Variants in ICE1 observed in about 807,000 individuals in gnomAD.
The protein encoded by ICE1 is little elongation complex subunit 1.
ICE1 carries 64 observed loss-of-function variants against 192.7 expected under a neutral mutation model. The ratio of observed to expected loss-of-function variants is 0.33; its 90% CI spans 0.27 to 0.41. The LOEUF (loss-of-function observed/expected upper bound fraction) is 0.41, where lower values mean the gene tolerates loss of function less well. Ranked by LOEUF, ICE1 falls within the 10% of genes least tolerant of loss-of-function variation. ICE1 has a pLI of 1.00. For synonymous variants in ICE1, 1,010 were observed against 984.5 expected, an observed-to-expected ratio of 1.03 and a Z score of -0.49; for missense variants, 2,708 against 2,696.0, an observed-to-expected ratio of 1.00 and a Z score of -0.10.
chr5:5,426,272 C>T (rs985256983), intron 1 of ICE1, among the ~76,000 whole-genome samples: 5 of 152,098 alleles, frequency 3.3e-5, no homozygotes, highest in Admixed American at 1.3e-4. Context: ...TGGTGAAACC[C>T]CGTCTCTACG....
intron 1 of ICE1, among the ~76,000 whole-genome samples, chr5:5,426,033 G>T (rs1053255153): frequency 1.2e-4 from 19 of 152,242 alleles, no homozygotes; most frequent in Admixed American, 1.1e-3. Flanking sequence ...AATGACATCA[G>T]AACTAGGAGT....
chr5:5,430,600 A>G (rs1260785243), intron 1 of ICE1, among the ~76,000 whole-genome samples: 1 of 152,168 alleles, frequency 6.6e-6, no homozygotes, highest in Non-Finnish European at 1.5e-5. Context: ...ACCATTTTTA[A>G]TTGCTTCCAC....
intron 5 of ICE1, among the ~76,000 whole-genome samples, chr5:5,441,959 A>G (rs1305063059): frequency 6.6e-6 from 1 of 152,130 alleles, no homozygotes; most frequent in Non-Finnish European, 1.5e-5. Flanking sequence ...CTTTTAGGGC[A>G]TGTTCGATCT....
intron 16 of ICE1, among the ~76,000 whole-genome samples, chr5:5,474,019 G>T (rs1289425787): frequency 6.6e-6 from 1 of 151,996 alleles, no homozygotes; most frequent in Admixed American, 6.6e-5. Context: ...GACCACCCTG[G>T]CTAACATGAT....
intron 17 of ICE1, among the ~76,000 whole-genome samples, chr5:5,476,991 T>A (rs1739332710): frequency 6.6e-6 from 1 of 152,254 alleles, no homozygotes. Flanking sequence ...CATTTGGTTC[T>A]GCTTCCTTAT....
chr5:5,448,103 CAA>C (rs1269254017), intron 10 of ICE1, among the ~76,000 whole-genome samples: 1 of 152,000 alleles, frequency 6.6e-6, no homozygotes, highest in African/African-American at 2.4e-5. Context: ...ATAAAAGAGT[CAA>C]AAATCAATAT....
At chr5:5,479,262 C>T (rs1005400983) in intron 17 of ICE1, among the ~76,000 whole-genome samples, 14 of 151,996 alleles carry the variant, frequency 9.2e-5, no homozygotes, top group African/African-American at 3.4e-4. Flanking sequence ...GAAAAAACAA[C>T]CCTATCAAAA....
intron 17 of ICE1, 70 bp from the exon 18 acceptor site, chr5:5,486,651 C>T: frequency 9.6e-7 from 1 of 1,044,648 alleles, no homozygotes; most frequent in Non-Finnish European, 1.4e-6. Context: ...GAGAAGTGGA[C>T]CTTTAAATTC....
intron 4 of ICE1, among the ~76,000 whole-genome samples, chr5:5,440,793 A>G (rs1738023007): frequency 6.6e-6 from 1 of 152,110 alleles, no homozygotes; most frequent in African/African-American, 2.4e-5. Context: ...AGGCTGAGGC[A>G]GGAAGATCAC....
chr5:5,424,580 A>G (rs1253634680), intron 1 of ICE1, among the ~76,000 whole-genome samples: 2 of 152,216 alleles, frequency 1.3e-5, no homozygotes, highest in African/African-American at 4.8e-5. Flanking sequence ...GGGTGGCAGG[A>G]TAAATGAAAC....
In ICE1 at chr5:5,468,962, T is replaced by C. The variant is rs1213029194; in HGVS notation, c.6196T>C (p.Leu2066=). 6.5e-7 allele frequency: 1 copy of C among 1,529,226 alleles called. No individual in the cohort carries two copies. The highest frequency in any genetic ancestry group is 2.4e-5 in the East Asian group (1 of 41,040). The allele number at this position is 1,529,226 out of a possible 1,614,324, so 94.7% of individuals were successfully genotyped here. A position where few individuals can be genotyped will look rare whatever the true frequency, so the allele number is the denominator to read the frequency against. ...TGCTAAAGGAGAGGTTCTGAACTGC[T>C]TGAGAGCTTTTCTTAATTGGGAAAA... ...QRAKGEVLNC[L]RAFLNWEKNA... is the part of the protein sequence containing the mutation. Residue 2066 remains leucine, a synonymous_variant, in exon 15 of 19, where the codon TTG becomes CTG. Transcript: ENST00000296564.
chr5:5,435,703 A>C (rs1737854955), intron 1 of ICE1, among the ~76,000 whole-genome samples: 1 of 92,658 alleles, frequency 1.1e-5, no homozygotes, highest in African/African-American at 5.6e-5. Context: ...TTCGAGATGG[A>C]ATCTCACTGT....
intron 1 of ICE1, among the ~76,000 whole-genome samples, chr5:5,424,176 A>C (rs1007901149): frequency 6.6e-6 from 1 of 152,144 alleles, no homozygotes; most frequent in African/African-American, 2.4e-5. Flanking sequence ...GGTTGATGAG[A>C]CCAGACGGGA....
In ICE1 at chr5:5,435,668, T is replaced by TG. The variant is rs1483667159; in HGVS notation, c.85-750_85-749insG. ...AGAGCCAAATTTGTGTTTTTTTTTT[T>TG]TTTTGTTTTGTTTTTGTTTTTTTTT... is the stretch of plus-strand genomic sequence containing the variant. On this transcript the variant is annotated intron_variant, in intron 1 of 18. Coordinates refer to ENST00000296564, the MANE Select transcript of ICE1 (RefSeq NM_015325.3). Among the ~76,000 whole-genome samples, 287 of 123,162 alleles carry TG rather than the reference T, an allele frequency of 2.3e-3. 3 individuals are homozygous for TG. The highest frequency in any genetic ancestry group is 3.3e-3 in the Non-Finnish European group (199 of 59,532). 80.8% of individuals were successfully genotyped at this position (123,162 alleles called of 152,430 possible).
At chr5:5,473,499 A>G in intron 15 of ICE1, 59 bp from the exon 16 acceptor site, 1 of 1,405,312 alleles carries the variant, frequency 7.1e-7, no homozygotes, top group Non-Finnish European at 9.7e-7. Flanking sequence ...TAGATAACTA[A>G]GGTAAGATGC....
In ICE1 at chr5:5,422,835, G is replaced by A. The variant is rs1737347108; in HGVS notation, c.-81G>A. The A allele has an allele frequency of 9.3e-6, 10 of 1,073,680 alleles. 1 individual carries two copies. The South Asian group carries it at 2.1e-4, about 22-fold the overall frequency. The allele number at this position is 1,073,680 out of a possible 1,614,324, so 66.5% of individuals were successfully genotyped here. A position where few individuals can be genotyped will look rare whatever the true frequency, so the allele number is the denominator to read the frequency against. ...AAGCGGCCTGGCAGGCGGCGGCCCC[G>A]GCGGCATCAGCAGAGACAGGACGGG... is the stretch of plus-strand genomic sequence containing the variant. On this transcript the variant is annotated 5_prime_UTR_variant, in exon 1 of 19. Coordinates refer to ENST00000296564, the MANE Select transcript of ICE1 (RefSeq NM_015325.3).
At chr5:5,451,858 G>A (rs939749832) in intron 10 of ICE1, among the ~76,000 whole-genome samples, 1 of 152,048 alleles carries the variant, frequency 6.6e-6, no homozygotes, top group Non-Finnish European at 1.5e-5. Flanking sequence ...AAATCAAATA[G>A]CATGCACACA....
rs118052622 is a variant in ICE1 at position 5,471,649 on chromosome 5, A to G, written c.6223-1909A>G. Among the ~76,000 whole-genome samples, 310 of 152,268 alleles carry G rather than the reference A, an allele frequency of 2.0e-3. 8 individuals are homozygous for G. In the East Asian group the frequency reaches 0.049, roughly 24 times the overall value. ...TTCAGAATCAGAAAATCAATACATT[A>G]CTAAATTAAAGAAGAAACCCCCATG... is the stretch of plus-strand genomic sequence containing the variant. On this transcript the variant is annotated intron_variant, in intron 15 of 18. Coordinates refer to ENST00000296564, the MANE Select transcript of ICE1 (RefSeq NM_015325.3).
chr5:5,450,513 G>A (rs1000380780), intron 10 of ICE1, among the ~76,000 whole-genome samples: 2 of 152,154 alleles, frequency 1.3e-5, no homozygotes, highest in African/African-American at 4.8e-5. Context: ...AGGTGATCAA[G>A]ACATGACAGA....
Sources: gnomAD v4.1 joint callset for allele counts (sites outside exome capture counted in the v4.1 genomes callset) on GRCh38, gnomAD v4.1.1 for gene constraint, MANE v1.5 for transcripts, NCBI Gene and HGNC (gene_info 2026-07-23, HGNC 2026-07-21) for gene names.